The following COL15A1 variants were observed in gnomAD, a reference collection of about 807,000 sequenced individuals.
COL15A1 encodes the protein collagen alpha-1(XV) chain.
A neutral mutation model predicts 165.9 loss-of-function variants in COL15A1; 111 were observed. The ratio of observed to expected loss-of-function variants is 0.67; its 90% confidence interval spans 0.57 to 0.78. The LOEUF is 0.78. COL15A1 is among the 30% of genes least tolerant of loss of function. The probability of loss-of-function intolerance (pLI) is 0.00; values close to 1 mark genes in which losing one functional copy is unlikely to be tolerated. For missense variants in COL15A1, 1,745 were observed against 1,789.7 expected, an observed-to-expected ratio of 0.98 and a Z score of 0.45; for synonymous variants, 659 against 674.8, an observed-to-expected ratio of 0.98 and a Z score of 0.36.
rs761935565 is a variant in COL15A1 at position 98,989,257 on chromosome 9, C to T, written c.803C>T (p.Ser268Leu). The T allele has an allele frequency of 1.5e-5, 24 of 1,611,650 alleles. No homozygotes were observed. The highest frequency in any genetic ancestry group is 5.3e-5 in the African/African-American group (4 of 74,894). The change falls in exon 5 of 42, where the codon TCG (serine) becomes TTG (leucine). Residue 268 changes from serine to leucine, a missense_variant and splice_region_variant. Coordinates refer to ENST00000375001, the MANE Select transcript of COL15A1 (RefSeq NM_001855.5). Reference protein sequence around the residue: ...ILEAVTYTQASPKEAKVEPIN... With the variant: ...ILEAVTYTQALPKEAKVEPIN... ...GAAGCCGTCACCTACACTCAAGCCT[C>T]GGTGAGTACTGGGATGCTGTGCCAT...
intron 24 of COL15A1, 136 bp from the exon 25 acceptor site, chr9:99,044,432 G>A (rs1364996709): frequency 3.9e-6 from 3 of 759,922 alleles, no homozygotes; most frequent in Non-Finnish European, 6.7e-6. Flanking sequence ...TAGGATGAAG[G>A]CAAGAGAAAT....
At chr9:98,990,397 A>G (rs1022741828) in intron 5 of COL15A1, among the ~76,000 whole-genome samples, 15 of 152,290 alleles carry the variant, frequency 9.8e-5, no homozygotes, top group African/African-American at 3.4e-4. Flanking sequence ...GGGATGAATG[A>G]AGTCAAGGGT....
At position 99,024,899 on chromosome 9, in the gene COL15A1, C is replaced by G. The variant is rs763630993; in HGVS notation, c.1880C>G (p.Pro627Arg). Residue 627 changes from proline to arginine, a missense_variant, in exon 15 of 42, where the codon CCT (proline) becomes CGT (arginine). Coordinates refer to ENST00000375001, the MANE Select transcript of COL15A1 (RefSeq NM_001855.5). ...LRGPPGPPGP[P>R]GLPGIPGKPG... ...GGTCCTCCAGGACCCCCAGGGCCAC[C>G]TGGCTTACCTGGGATTCCAGGAAAA... is the stretch of plus-strand genomic sequence containing the variant. 1 of 1,613,990 alleles carries G rather than the reference C, an allele frequency of 6.2e-7. No homozygotes were observed. Among genetic ancestry groups the G allele is most frequent in the Non-Finnish European group, 8.5e-7 (1 of 1,179,922 alleles).
At position 98,947,304 on chromosome 9, in the gene COL15A1, G is replaced by A. The variant is rs1365209988; in HGVS notation, c.100+3054G>A. Among the ~76,000 whole-genome samples the A allele has an allele frequency of 1.1e-4, 17 of 151,988 alleles. No individual in the cohort carries two copies. In the East Asian group the frequency reaches 3.1e-3, roughly 28 times the overall value. On this transcript the variant is annotated intron_variant, in intron 2 of 41. Coordinates refer to ENST00000375001, the MANE Select transcript of COL15A1 (RefSeq NM_001855.5). ...AGTAAAAGAAGCCAGACATTAAAAA[G>A]CAATACATTGTAAGAGTCCCTATAT... is the stretch of plus-strand genomic sequence containing the variant.
At chr9:99,015,841 G>A in intron 10 of COL15A1, 135 bp from the exon 11 acceptor site, 1 of 1,068,986 alleles carries the variant, frequency 9.4e-7, no homozygotes, top group African/African-American at 1.6e-5. Context: ...CAGAAGGGGT[G>A]TGCTGGGGGT....
At chr9:98,947,731 C>T (rs1376735463) in intron 2 of COL15A1, among the ~76,000 whole-genome samples, 1 of 152,134 alleles carries the variant, frequency 6.6e-6, no homozygotes, top group Non-Finnish European at 1.5e-5. Context: ...GTCTCTGGAT[C>T]GACTCTCCCT....
At position 99,016,380 on chromosome 9, in the gene COL15A1, C is replaced by T. The variant is rs138027248; in HGVS notation, c.1647+261C>T. 6.3e-3 allele frequency among the ~76,000 whole-genome samples: 955 copies of T among 152,318 alleles called. 10 individuals are homozygous for T. Among genetic ancestry groups the T allele is most frequent in the African/African-American group, 0.022 (911 of 41,566 alleles). On this transcript the variant is annotated intron_variant, in intron 11 of 41. Transcript: ENST00000375001. Reference sequence around the variant, plus strand: ...ATCTTTGGATTGAAATGAGATCTAACAGTCAGTGTTCTTCTGGGGACAAAG... The same window carrying T: ...ATCTTTGGATTGAAATGAGATCTAATAGTCAGTGTTCTTCTGGGGACAAAG...
At chr9:98,976,272 C>T (rs1157683521) in intron 2 of COL15A1, among the ~76,000 whole-genome samples, 2 of 152,184 alleles carry the variant, frequency 1.3e-5, no homozygotes, top group Admixed American at 6.5e-5. Context: ...AGAATAAGAC[C>T]GGTCAGATGC....
At chr9:98,954,478 C>T (rs1837744163) in intron 2 of COL15A1, among the ~76,000 whole-genome samples, 1 of 152,088 alleles carries the variant, frequency 6.6e-6, no homozygotes, top group African/African-American at 2.4e-5. Flanking sequence ...ATCTAGACAC[C>T]TTCTCTGGAA....
rs1275388165 is a variant in COL15A1 at position 99,042,183 on chromosome 9, T to G, written c.2574+76T>G. On this transcript the variant is annotated intron_variant, in intron 24 of 41. Transcript: ENST00000375001. ...ACGTTTCAGATTGGCTGAAAATAGC[T>G]ATTAACTTTTCTCTTCTTTGAGATA... The G allele has an allele frequency of 3.0e-6, 3 of 1,013,592 alleles. No individual in the cohort carries two copies. The East Asian group carries it at 7.2e-5, about 24-fold the overall frequency. 62.8% of individuals were successfully genotyped at this position (1,013,592 alleles called of 1,614,324 possible).
chr9:99,070,036 A>C lies in COL15A1; in HGVS notation c.*150A>C. On this transcript the variant is annotated 3_prime_UTR_variant, in exon 42 of 42. Transcript: ENST00000375001. Reference sequence around the variant, plus strand: ...ACAGCAACCAAAGAAAACATACCTCAATACACTCAAAACTGAAGACATAGA... The same window carrying C: ...ACAGCAACCAAAGAAAACATACCTCCATACACTCAAAACTGAAGACATAGA... The C allele has an allele frequency of 1.6e-6, 1 of 635,122 alleles. No homozygotes were observed. Among genetic ancestry groups the C allele is most frequent in the Non-Finnish European group, 2.7e-6 (1 of 377,290 alleles). The allele number at this position is 635,122 out of a possible 1,614,324, so 39.3% of individuals were successfully genotyped here.
At chr9:99,009,929 C>A (rs1009637365) in intron 9 of COL15A1, among the ~76,000 whole-genome samples, 2 of 152,120 alleles carry the variant, frequency 1.3e-5, no homozygotes, top group African/African-American at 4.8e-5. Context: ...ACACAGGGGC[C>A]AATATGCTGG....
In COL15A1 at chr9:99,025,954, G is replaced by A. The variant is rs1278026409; in HGVS notation, c.2031G>A (p.Met677Ile). Residue 677 changes from methionine (M) to isoleucine (I), a missense_variant, in exon 16 of 42, where the codon ATG (methionine) becomes ATA (isoleucine). Transcript: ENST00000375001. The part of the protein sequence containing the change: ...GVDGATGLPG[M>I]KGEKGARGPN... ...ATGGAGCCACCGGCCTTCCCGGGAT[G>A]AAAGGGGAGAAGGTACGGGGAACAC... The A allele has an allele frequency of 1.2e-6, 2 of 1,612,076 alleles. No homozygotes were observed. The highest frequency in any genetic ancestry group is 1.7e-6 in the Non-Finnish European group (2 of 1,179,144).
chr9:99,061,918 G>T, intron 36 of COL15A1, 53 bp from the exon 37 acceptor site: 1 of 1,577,550 alleles, frequency 6.3e-7, no homozygotes, highest in Non-Finnish European at 8.6e-7. Flanking sequence ...TTATCAGATG[G>T]TGCCATTCCT....
chr9:98,990,968 G>T lies in COL15A1; in HGVS notation c.804+1710G>T, dbSNP rs547403837. On this transcript the variant is annotated intron_variant, in intron 5 of 41. Transcript: ENST00000375001. ...TTCCTTCTGGTGGGTTCCTGGTCTC[G>T]CTGTCTTCAAGAGTAAAGCTGCAGA... Among the ~76,000 whole-genome samples the T allele has an allele frequency of 7.9e-5, 12 of 152,032 alleles. No homozygotes were observed. In the South Asian group the frequency reaches 2.3e-3, roughly 29 times the overall value.
chr9:99,045,619 C>A (rs143963292), intron 26 of COL15A1, among the ~76,000 whole-genome samples: 7 of 152,300 alleles, frequency 4.6e-5, no homozygotes, highest in East Asian at 3.9e-4. Context: ...ATCTTCACAA[C>A]CCCAAGAAGT....
intron 7 of COL15A1, 60 bp from the exon 8 acceptor site, chr9:99,003,393 G>C: frequency 7.4e-7 from 1 of 1,356,898 alleles, no homozygotes. Context: ...GTTCTCACCA[G>C]CCACAGGCAT....
At chr9:99,002,442 A>C (rs1392987902) in intron 7 of COL15A1, among the ~76,000 whole-genome samples, 1 of 152,146 alleles carries the variant, frequency 6.6e-6, no homozygotes, top group African/African-American at 2.4e-5. Context: ...ATTCTTTCCA[A>C]AGGAATTCTT....
In COL15A1 at chr9:99,039,956, T is replaced by C. The variant is rs532954566; in HGVS notation, c.2476-565T>C. On this transcript the variant is annotated intron_variant, in intron 22 of 41. Transcript: ENST00000375001. ...CATCCAGATCCAGGGGAAAATCTAG[T>C]GCTGCCCCAAGATTCCTGCAAATAT... 1.1e-4 allele frequency among the ~76,000 whole-genome samples: 16 copies of C among 152,368 alleles called. No individual in the cohort carries two copies. In the South Asian group the frequency reaches 2.7e-3, roughly 26 times the overall value.
Sources: allele counts gnomAD v4.1 joint callset (sites outside exome capture counted in the v4.1 genomes callset), GRCh38; gene constraint gnomAD v4.1.1; transcripts MANE v1.5; gene names NCBI Gene and HGNC (gene_info 2026-07-23, HGNC 2026-07-21).